Variants in PFKP observed in about 807,000 individuals in gnomAD.
The protein encoded by PFKP is ATP-dependent 6-phosphofructokinase, platelet type.
A neutral mutation model predicts 94.3 loss-of-function variants in PFKP; 101 were observed. The ratio of observed to expected loss-of-function variants is 1.07; its 90% confidence interval spans 0.91 to 1.26. PFKP has a LOEUF of 1.26. Among genes scored for constraint, PFKP ranks in the 50% most tolerant of loss-of-function variants. The pLI, the probability that PFKP is intolerant of heterozygous loss-of-function variation, is 0.00. For missense variants in PFKP, 1,145 were observed against 1,103.3 expected (o/e 1.04, Z -0.53); for synonymous variants, 573 against 432.6 (o/e 1.32, Z -4.03).
At chr10:3,100,722 T>C (rs1466787914) in intron 3 of PFKP, among the ~76,000 whole-genome samples, 1 of 152,150 alleles carries the variant, frequency 6.6e-6, no homozygotes, top group Non-Finnish European at 1.5e-5. Flanking sequence ...AAATCTTGCA[T>C]TTGTGGATCC....
At position 3,103,888 on chromosome 10, in the gene PFKP, C is replaced by T. The variant is rs761111838; in HGVS notation, c.564C>T (p.Asp188=). ...FCGTDMTIGT[D]SALHRIIEVV... is the part of the protein sequence containing the mutation. ...GCACCGACATGACCATCGGCACGGA[C>T]TCCGCCCTGCACAGGATCATCGAGG... The change falls in exon 5 of 22, where the codon GAC becomes GAT. Residue 188 remains aspartate, a synonymous_variant. Coordinates refer to ENST00000381125, the MANE Select transcript of PFKP (RefSeq NM_002627.5). The T allele has an allele frequency of 2.8e-5, 45 of 1,613,896 alleles. No individual in the cohort carries two copies. Among genetic ancestry groups the T allele is most frequent in the Non-Finnish European group, 3.7e-5 (44 of 1,180,056 alleles).
In PFKP at chr10:3,079,876, G is replaced by A. The variant is rs377732441; in HGVS notation, c.113-2512G>A. 3.7e-4 allele frequency among the ~76,000 whole-genome samples: 57 copies of A among 152,284 alleles called. 1 individual carries two copies. The highest frequency in any genetic ancestry group is 1.4e-3 in the African/African-American group (57 of 41,570). ...TGCTGAGCCCAGCCATGGGAGAGAT[G>A]AGCGAGGACCTTCCACAGGTGTGAG... On this transcript the variant is annotated intron_variant, in intron 1 of 21. Transcript: ENST00000381125.
At chr10:3,135,715 C>G (rs1564364504) in intron 20 of PFKP, 21 bp from the exon 21 acceptor site, 3 of 1,497,194 alleles carry the variant, frequency 2.0e-6, no homozygotes, top group Non-Finnish European at 2.8e-6. Context: ...TGTTATTAAT[C>G]TTTTTTAAAA....
Position 3,113,122 on chromosome 10 carries a change from C to T in PFKP, c.1158C>T (p.Ser386=). 7 of 1,612,686 alleles carry T rather than the reference C, an allele frequency of 4.3e-6. No homozygotes were observed. Among genetic ancestry groups the T allele is most frequent in the Non-Finnish European group, 5.9e-6 (7 of 1,179,414 alleles). Residue 386 remains serine (S), a synonymous_variant, in exon 12 of 22, where the codon AGC becomes AGT. Transcript: ENST00000381125. ...FQDAVRLRGR[S]FAGNLNTYKR... is the part of the protein sequence containing the mutation. ...CAACGACACCCTTTTCCTTTAGGAG[C>T]TTTGCGGGCAACCTGAACACCTACA...
chr10:3,129,914 G>A lies in PFKP; in HGVS notation c.1779G>A (p.Met593Ile). The part of the protein sequence containing the change: ...MGGYCGYLAN[M>I]GGLAAGADAA... ...GCTACTGTGGCTACCTGGCCAACAT[G>A]GGGGGGCTCGCGGCCGGAGCTGATG... Residue 593 changes from methionine (M) to isoleucine (I), a missense_variant, in exon 17 of 22, where the codon ATG (methionine) becomes ATA (isoleucine). Around this residue, in one of 3 missense-constraint regions of PFKP, gnomAD observed 1,119 missense variants for 1,062.8 expected, o/e 1.05. Transcript: ENST00000381125. 6.2e-7 allele frequency: 1 copy of A among 1,611,798 alleles called. No individual in the cohort carries two copies.
chr10:3,129,793 G>GTGAC, intron 16 of PFKP, 26 bp from the exon 17 acceptor site: 1 of 1,612,216 alleles, frequency 6.2e-7, no homozygotes, highest in Non-Finnish European at 8.5e-7. Context: ...CTGGGCTGGA[G>GTGAC]TGACTGATCG....
chr10:3,134,529 C>A lies in PFKP; in HGVS notation c.2069C>A (p.Ser690Tyr). The A allele has an allele frequency of 6.2e-7, 1 of 1,614,142 alleles. No individual in the cohort carries two copies. Among genetic ancestry groups the A allele is most frequent in the Non-Finnish European group, 8.5e-7 (1 of 1,180,004 alleles). The change falls in exon 20 of 22, where the codon TCT becomes TAT. Residue 690 changes from serine (S) to tyrosine (Y), a missense_variant. Ser to Tyr is a moderately radical substitution (Grantham distance 144). Around this residue, in one of 3 missense-constraint regions of PFKP, gnomAD observed 1,119 missense variants for 1,062.8 expected, o/e 1.05. Transcript: ENST00000381125. The stretch of plus-strand genomic sequence containing the variant: ...GATAGAAACTTTGGAACCAAAATCT[C>A]TGCCAGAGCTATGGAGTGGATCACT... ...PFDRNFGTKI[S>Y]ARAMEWITAK...
chr10:3,132,377 C>T lies in PFKP; in HGVS notation c.1849-3C>T. 2 of 1,604,996 alleles carry T rather than the reference C, an allele frequency of 1.2e-6. No homozygotes were observed. Among genetic ancestry groups the T allele is most frequent in the Admixed American group, 1.7e-5 (1 of 60,006 alleles). ...GTCTGATTAACAAAATACTCTCTTC[C>T]AGTCCAACGTGGAGCACCTGACGGA... On this transcript the variant is annotated splice_region_variant and splice_polypyrimidine_tract_variant and intron_variant, in intron 17 of 21. Transcript: ENST00000381125.
intron 4 of PFKP, among the ~76,000 whole-genome samples, chr10:3,102,989 C>T (rs1158412081): frequency 1.3e-5 from 2 of 152,302 alleles, no homozygotes; most frequent in African/African-American, 4.8e-5. Flanking sequence ...TCAGTGGTTC[C>T]GATTCCCTTT....
In PFKP at chr10:3,101,031, A is replaced by G. The variant is rs747146827; in HGVS notation, c.265-334A>G. ...TGGGCTTGTCTTTGGTTCCACGTGC[A>G]CCTGGTTGAGCTCGTTGGCCGGTGC... is the stretch of plus-strand genomic sequence containing the variant. On this transcript the variant is annotated intron_variant, in intron 3 of 21. Coordinates refer to ENST00000381125, the MANE Select transcript of PFKP (RefSeq NM_002627.5). 15 of 1,563,852 alleles carry G rather than the reference A, an allele frequency of 9.6e-6. No individual in the cohort carries two copies. The South Asian group carries it at 1.4e-4, about 15-fold the overall frequency.
In PFKP at chr10:3,136,737, AGT is replaced by A. The variant is rs1201634016; in HGVS notation, c.*163_*164del. ...CTGCTCCAGTGCGTGCTGTCTGTGG[AGT>A]GTGTCTCATGCTTTCAGATGTGCAT... is the stretch of plus-strand genomic sequence containing the variant. On this transcript the variant is annotated 3_prime_UTR_variant, in exon 22 of 22. Transcript: ENST00000381125. 8.2e-5 allele frequency: 53 copies of A among 649,110 alleles called. 1 individual carries two copies. Among genetic ancestry groups the A allele is most frequent in the South Asian group, 4.1e-4 (22 of 53,234 alleles). The allele number at this position is 649,110 out of a possible 1,614,324, so 40.2% of individuals were successfully genotyped here.
rs540259779 is a variant in PFKP at position 3,111,671 on chromosome 10, C to T, written c.1090-551C>T. 2.4e-4 allele frequency among the ~76,000 whole-genome samples: 36 copies of T among 152,126 alleles called. No individual in the cohort carries two copies. In the South Asian group the frequency reaches 6.6e-3, roughly 28 times the overall value. On this transcript the variant is annotated intron_variant, in intron 10 of 21. Transcript: ENST00000381125. ...CAGATGAGGAAATTGAAGTTCAGAG[C>T]GAGAAAGAACTTGACCAAGATCCTG...
At position 3,125,111 on chromosome 10, in the gene PFKP, G is replaced by T. The variant is rs115270591; in HGVS notation, c.1684-4708G>T. On this transcript the variant is annotated intron_variant, in intron 16 of 21. Transcript: ENST00000381125. Reference sequence around the variant, plus strand: ...TGCTGCTTCAGGCTTACAAGAGTGCGTGCGACATGGCCGAGGCACGAGGCC... The same window carrying T: ...TGCTGCTTCAGGCTTACAAGAGTGCTTGCGACATGGCCGAGGCACGAGGCC... 703 of 1,315,638 alleles carry T rather than the reference G, an allele frequency of 5.3e-4. 7 individuals carry two copies. The African/African-American group carries it at 0.01, about 19-fold the overall frequency. The allele number at this position is 1,315,638 out of a possible 1,614,324, so 81.5% of individuals were successfully genotyped here.
chr10:3,091,401 G>A (rs1259655807), intron 2 of PFKP, among the ~76,000 whole-genome samples: 1 of 152,122 alleles, frequency 6.6e-6, no homozygotes, highest in African/African-American at 2.4e-5. Flanking sequence ...CACTGTGTCT[G>A]CAGGAAACAG....
At chr10:3,069,322 G>C in intron 1 of PFKP, 1 of 1,568,542 alleles carries the variant, frequency 6.4e-7, no homozygotes, top group Non-Finnish European at 8.6e-7. Flanking sequence ...GGATGGGATT[G>C]AAGAAACAGG....
chr10:3,100,128 G>A (rs1383497087), intron 3 of PFKP, among the ~76,000 whole-genome samples: 1 of 151,622 alleles, frequency 6.6e-6, no homozygotes, highest in Admixed American at 6.6e-5. Flanking sequence ...CCACTCCTCT[G>A]CAGCCCAGTT....
At chr10:3,069,460 A>G (rs1832020168) in intron 1 of PFKP, 1 of 1,412,218 alleles carries the variant, frequency 7.1e-7, no homozygotes, top group African/African-American at 1.4e-5. Context: ...CTTCAGAAGC[A>G]GAGGGAGCAC....
intron 9 of PFKP, among the ~76,000 whole-genome samples, chr10:3,109,106 C>G (rs1835909500): frequency 6.6e-6 from 1 of 152,142 alleles, no homozygotes; most frequent in Admixed American, 6.5e-5. Context: ...TGACTCAGGG[C>G]AGCAGGAATC....
intron 1 of PFKP, among the ~76,000 whole-genome samples, chr10:3,077,488 G>A (rs1021710421): frequency 2.0e-5 from 3 of 151,424 alleles, no homozygotes; most frequent in Non-Finnish European, 2.9e-5. Flanking sequence ...GGATGGTCTC[G>A]ATCTCCTGAC....
Sources: gnomAD v4.1 joint callset for allele counts (sites outside exome capture counted in the v4.1 genomes callset) on GRCh38, gnomAD v4.1.1 for gene constraint, gnomAD v4.1.1 regional missense constraint, MANE v1.5 for transcripts, NCBI Gene and HGNC (gene_info 2026-07-23, HGNC 2026-07-21) for gene names.